Variants in ARID4B observed in about 807,000 individuals in gnomAD.
ARID4B encodes the protein AT-rich interaction domain 4B, also known as AT-rich interactive domain-containing protein 4B.
ARID4B carries 26 observed loss-of-function variants against 147.5 expected under a neutral mutation model. The observed-to-expected ratio is 0.18, with a 90% CI of 0.13 to 0.24. ARID4B has a LOEUF of 0.24. ARID4B is among the 10% of genes least tolerant of loss of function. The pLI, the probability that ARID4B is intolerant of heterozygous loss-of-function variation, is 1.00. For synonymous variants in ARID4B, 512 were observed against 507.9 expected, an observed-to-expected ratio of 1.01 and a Z score of -0.11; for missense variants, 1,179 against 1,511.5, an observed-to-expected ratio of 0.78 and a Z score of 3.65.
intron 10 of ARID4B, among the ~76,000 whole-genome samples, chr1:235,230,603 AAAAAAAAAAAAAAC>A (rs1304698106): frequency 7.8e-6 from 1 of 128,054 alleles, no homozygotes; most frequent in Non-Finnish European, 1.7e-5. Flanking sequence ...CTAAAAAAAA[AAAAAAAAAAAAAAC>A]CAGAAAAAAA....
At chr1:235,270,519 A>G (rs1670913609) in intron 2 of ARID4B, among the ~76,000 whole-genome samples, 1 of 152,208 alleles carries the variant, frequency 6.6e-6, no homozygotes, top group Non-Finnish European at 1.5e-5. Flanking sequence ...AACCAGAGGG[A>G]TATCTGCATA....
chr1:235,279,220 G>C (rs935820640), intron 2 of ARID4B, among the ~76,000 whole-genome samples: 2 of 151,992 alleles, frequency 1.3e-5, no homozygotes, highest in Non-Finnish European at 2.9e-5. Flanking sequence ...CCCCCGGCAA[G>C]ACTGAGAAAC....
chr1:235,290,620 T>C (rs1243143609), intron 2 of ARID4B, among the ~76,000 whole-genome samples: 1 of 152,232 alleles, frequency 6.6e-6, no homozygotes, highest in African/African-American at 2.4e-5. Flanking sequence ...AAATAAATTA[T>C]GTTACATCGT....
At chr1:235,245,095 T>C (rs2185018) in intron 7 of ARID4B, among the ~76,000 whole-genome samples, 44,772 of 152,132 alleles carry the variant, frequency 0.29, 7,707 homozygotes, top group South Asian at 0.53. Flanking sequence ...ACTAGTAATC[T>C]TCAACCTTTT....
At position 235,233,862 on chromosome 1, in the gene ARID4B, C is replaced by G. The variant is rs143833560; in HGVS notation, c.665+551G>C. Among the ~76,000 whole-genome samples, 53 of 152,156 alleles carry G rather than the reference C, an allele frequency of 3.5e-4. No homozygotes were observed. In the East Asian group the frequency reaches 0.01, roughly 29 times the overall value. On this transcript the variant is annotated intron_variant, in intron 9 of 23. Transcript: ENST00000264183. ...TTTGGGGTTCGAGGCGGGCAGATCA[C>G]GAGATCAGGAGTTCGAGACCAGCCT...
intron 4 of ARID4B, among the ~76,000 whole-genome samples, chr1:235,256,285 T>C (rs1005972463): frequency 6.6e-6 from 1 of 151,798 alleles, no homozygotes; most frequent in Non-Finnish European, 1.5e-5. Context: ...TATTATAAAG[T>C]TTTACCCTTA....
At chr1:235,297,501 T>C (rs954941591) in intron 2 of ARID4B, among the ~76,000 whole-genome samples, 7 of 152,308 alleles carry the variant, frequency 4.6e-5, no homozygotes, top group African/African-American at 1.7e-4. Flanking sequence ...AATTCCAAAA[T>C]CACCGTTTTG....
chr1:235,285,493 C>G (rs1671912564), intron 2 of ARID4B, among the ~76,000 whole-genome samples: 1 of 152,196 alleles, frequency 6.6e-6, no homozygotes, highest in African/African-American at 2.4e-5. Context: ...CATGAAAAAT[C>G]TGCAACTAAC....
chr1:235,323,186 C>T (rs1008321455), intron 2 of ARID4B, among the ~76,000 whole-genome samples: 15 of 151,894 alleles, frequency 9.9e-5, no homozygotes, highest in Admixed American at 2.0e-4. Flanking sequence ...TACAGGCATG[C>T]GCCACCATGC....
intron 2 of ARID4B, among the ~76,000 whole-genome samples, chr1:235,300,283 G>A (rs1673026020): frequency 6.6e-6 from 1 of 152,110 alleles, no homozygotes; most frequent in Non-Finnish European, 1.5e-5. Context: ...CAGGTGGGGT[G>A]GCGGGTGCCT....
chr1:235,228,319 A>G (rs1267234213), intron 11 of ARID4B: 2 of 125,122 alleles, frequency 1.6e-5, no homozygotes, highest in African/African-American at 6.2e-5. Context: ...TTAATAAGAC[A>G]GGGTCTCACT....
intron 6 of ARID4B, among the ~76,000 whole-genome samples, chr1:235,251,572 T>G (rs1669647780): frequency 6.6e-6 from 1 of 152,074 alleles, no homozygotes; most frequent in African/African-American, 2.4e-5. Context: ...AATAGGTTAA[T>G]AAGTAATATT....
At chr1:235,181,444 C>T (rs1417532047) in intron 20 of ARID4B, 141 bp downstream of exon 20, 2 of 1,152,818 alleles carry the variant, frequency 1.7e-6, no homozygotes, top group Non-Finnish European at 2.4e-6. Context: ...TTCAAATTAC[C>T]TTTAAAATTT....
chr1:235,176,100 T>G (rs1365995211), intron 21 of ARID4B, among the ~76,000 whole-genome samples: 1 of 152,162 alleles, frequency 6.6e-6, no homozygotes, highest in African/African-American at 2.4e-5. Context: ...TTTCCATAGA[T>G]AACCTCTTTC....
At chr1:235,315,313 T>A (rs999659525) in intron 2 of ARID4B, among the ~76,000 whole-genome samples, 2 of 152,064 alleles carry the variant, frequency 1.3e-5, no homozygotes, top group African/African-American at 4.8e-5. Flanking sequence ...ATTTGTAGTC[T>A]CAGCTACTTG....
chr1:235,177,044 C>T lies in ARID4B; in HGVS notation c.3448+756G>A, dbSNP rs1663936684. On this transcript the variant is annotated intron_variant, in intron 21 of 23. Coordinates refer to ENST00000264183, the MANE Select transcript of ARID4B (RefSeq NM_016374.6). ...GAGTCGTTGCTAAAGTTGGAGCATA[C>T]TTAGCAAAAAGTATTGTTTGTAGTT... 3 of 428,572 alleles carry T rather than the reference C, an allele frequency of 7.0e-6. No homozygotes were observed. In the Admixed American group the frequency reaches 7.6e-5, roughly 11 times the overall value. 26.5% of individuals were successfully genotyped at this position (428,572 alleles called of 1,614,324 possible).
intron 2 of ARID4B, among the ~76,000 whole-genome samples, chr1:235,272,442 T>C (rs1164673150): frequency 5.3e-5 from 8 of 152,178 alleles, no homozygotes. Context: ...TAGACATTAG[T>C]TAAGCCCTGC....
At chr1:235,229,931 A>C (rs944474899) in intron 10 of ARID4B, among the ~76,000 whole-genome samples, 1 of 152,210 alleles carries the variant, frequency 6.6e-6, no homozygotes, top group South Asian at 2.1e-4. Context: ...TATACCAAAA[A>C]ATCTTGATGA....
chr1:235,194,940 T>C (rs1305742331), intron 18 of ARID4B, among the ~76,000 whole-genome samples: 1 of 152,250 alleles, frequency 6.6e-6, no homozygotes, highest in African/African-American at 2.4e-5. Flanking sequence ...GCAACCTTCC[T>C]ACCTCAGTGA....
Sources: allele counts gnomAD v4.1 joint callset (sites outside exome capture counted in the v4.1 genomes callset), GRCh38; gene constraint gnomAD v4.1.1; transcripts MANE v1.5; gene names NCBI Gene and HGNC (gene_info 2026-07-23, HGNC 2026-07-21).